Variants in MAP3K7 observed in about 807,000 individuals in gnomAD.
The protein encoded by MAP3K7 is TGF-beta activated kinase 1.
In MAP3K7, 21 loss-of-function variants were observed where a neutral mutation model predicts 84.8. That is an observed-to-expected ratio of 0.25 (90% CI 0.18 to 0.36). The LOEUF (loss-of-function observed/expected upper bound fraction) is 0.36, where lower values mean the gene tolerates loss of function less well. Among genes scored for constraint, MAP3K7 ranks in the 10% least tolerant of loss-of-function variants. The pLI, the probability that MAP3K7 is intolerant of heterozygous loss-of-function variation, is 1.00. For missense variants in MAP3K7, 503 were observed against 747.7 expected (o/e 0.67, Z 3.82); for synonymous variants, 241 against 247.7 (o/e 0.97, Z 0.25).
chr6:90,544,499 G>A (rs1186474828), intron 12 of MAP3K7, 53 bp downstream of exon 12: 1 of 1,475,794 alleles, frequency 6.8e-7, no homozygotes, highest in Non-Finnish European at 9.5e-7. Context: ...AAGTACCAGG[G>A]ATCATTATTC....
chr6:90,579,798 G>A (rs1030076014), intron 1 of MAP3K7, among the ~76,000 whole-genome samples: 1 of 152,046 alleles, frequency 6.6e-6, no homozygotes, highest in African/African-American at 2.4e-5. Flanking sequence ...TAAAAATACC[G>A]ACTTCATACA....
chr6:90,514,330 T>C lies in MAP3K7; in HGVS notation c.*2171A>G, dbSNP rs1374388454. 2.0e-5 allele frequency: 3 copies of C among 151,924 alleles called. No homozygotes were observed. The highest frequency in any genetic ancestry group is 7.2e-5 in the African/African-American group (3 of 41,382). The allele number at this position is 151,924 out of a possible 1,614,324, so 9.4% of individuals were successfully genotyped here. On this transcript the variant is annotated 3_prime_UTR_variant, in exon 17 of 17. Coordinates refer to ENST00000369329, the MANE Select transcript of MAP3K7 (RefSeq NM_145331.3). ...ATCATCAGGACTTAAAAGCATGAAA[T>C]TGACAACACAACTACTTAAAAACAG...
At position 90,528,321 on chromosome 6, in the gene MAP3K7, A is replaced by T. The variant is rs373207703; in HGVS notation, c.1357-4538T>A. ...AATCTTATATCTAGCTTCAACATAT[A>T]TACAAACACTCAAATTCAAGACTGC... On this transcript the variant is annotated intron_variant, in intron 13 of 16. Coordinates refer to ENST00000369329, the MANE Select transcript of MAP3K7 (RefSeq NM_145331.3). Among the ~76,000 whole-genome samples the T allele has an allele frequency of 7.2e-5, 11 of 152,340 alleles. 1 individual carries two copies. The South Asian group carries it at 2.3e-3, about 32-fold the overall frequency.
At chr6:90,553,620 A>C (rs1776248736) in intron 6 of MAP3K7, 34 bp from the exon 7 acceptor site, 13 of 1,568,596 alleles carry the variant, frequency 8.3e-6, no homozygotes, top group Non-Finnish European at 1.1e-5. Context: ...TAACCTAAAG[A>C]CTATTTTTCC....
chr6:90,528,910 T>C (rs891014142), intron 13 of MAP3K7, among the ~76,000 whole-genome samples: 12 of 152,224 alleles, frequency 7.9e-5, no homozygotes, highest in African/African-American at 2.9e-4. Flanking sequence ...TTCTACACCA[T>C]AACCAATTTT....
chr6:90,528,509 T>C (rs1365874781), intron 13 of MAP3K7, among the ~76,000 whole-genome samples: 3 of 152,230 alleles, frequency 2.0e-5, no homozygotes, highest in South Asian at 2.1e-4. Flanking sequence ...TTCCATATAG[T>C]GCTAAAATTA....
At chr6:90,530,914 T>C (rs1775487632) in intron 13 of MAP3K7, among the ~76,000 whole-genome samples, 1 of 152,212 alleles carries the variant, frequency 6.6e-6, no homozygotes, top group Admixed American at 6.5e-5. Context: ...GGGTCACAAA[T>C]GCTCTCAAAC....
Position 90,546,350 on chromosome 6 carries a change from T to C in MAP3K7, c.1210+908A>G, listed in dbSNP as rs547802842. On this transcript the variant is annotated intron_variant, in intron 11 of 16. Coordinates refer to ENST00000369329, the MANE Select transcript of MAP3K7 (RefSeq NM_145331.3). ...AATTGGTTAGCTAAGTTAAAAAAGATGCAAATACACATGAATATATACATT... is the reference window on the plus strand; with the variant it reads ...AATTGGTTAGCTAAGTTAAAAAAGACGCAAATACACATGAATATATACATT... Among the ~76,000 whole-genome samples the C allele has an allele frequency of 3.9e-5, 6 of 152,254 alleles. No individual in the cohort carries two copies. The East Asian group carries it at 1.2e-3, about 29-fold the overall frequency.
chr6:90,573,279 T>C lies in MAP3K7; in HGVS notation c.121-1472A>G, dbSNP rs551067138. On this transcript the variant is annotated intron_variant, in intron 1 of 16. Coordinates refer to ENST00000369329, the MANE Select transcript of MAP3K7 (RefSeq NM_145331.3). ...GGAAGTAGAAGTTAGTATCTTCCCT[T>C]GGAGGAACTTTTACTTTAGACTTAC... is the stretch of plus-strand genomic sequence containing the variant. Among the ~76,000 whole-genome samples the C allele has an allele frequency of 2.0e-5, 3 of 152,296 alleles. No individual in the cohort carries two copies. In the East Asian group the frequency reaches 5.8e-4, roughly 29 times the overall value.
In MAP3K7 at chr6:90,578,463, C is replaced by T. The variant is rs188471099; in HGVS notation, c.121-6656G>A. On this transcript the variant is annotated intron_variant, in intron 1 of 16. Transcript: ENST00000369329. ...CTAATTTTTGTATTTTTAGTAGAGT[C>T]GGGGTTTTGCCATCTTGTCCAGGCT... 1.1e-3 allele frequency among the ~76,000 whole-genome samples: 170 copies of T among 152,076 alleles called. 3 individuals are homozygous for T. Among genetic ancestry groups the T allele is most frequent in the Admixed American group, 7.6e-3 (116 of 15,266 alleles).
intron 5 of MAP3K7, among the ~76,000 whole-genome samples, chr6:90,557,801 T>C (rs2127977378): frequency 6.6e-6 from 1 of 152,362 alleles, no homozygotes. Context: ...CACTGAAATC[T>C]GAACTTAAAT....
chr6:90,539,156 G>A (rs1301180043), intron 12 of MAP3K7, among the ~76,000 whole-genome samples: 2 of 151,792 alleles, frequency 1.3e-5, no homozygotes, highest in South Asian at 2.1e-4. Context: ...CCAAAGTTTC[G>A]TATTTCTTTA....
At chr6:90,527,686 C>T (rs901833696) in intron 13 of MAP3K7, among the ~76,000 whole-genome samples, 9 of 152,144 alleles carry the variant, frequency 5.9e-5, no homozygotes, top group Admixed American at 5.9e-4. Flanking sequence ...GCGAGGAACA[C>T]ACAGGGACCA....
chr6:90,538,188 C>T (rs1398007749), intron 12 of MAP3K7, among the ~76,000 whole-genome samples: 1 of 151,882 alleles, frequency 6.6e-6, no homozygotes, highest in African/African-American at 2.4e-5. Flanking sequence ...GCAGATAGTT[C>T]AGACAAAGCA....
chr6:90,530,252 A>G (rs910861253), intron 13 of MAP3K7, among the ~76,000 whole-genome samples: 12 of 152,244 alleles, frequency 7.9e-5, no homozygotes, highest in African/African-American at 2.7e-4. Flanking sequence ...GTGACATGTA[A>G]GAATCAGTAT....
chr6:90,562,468 A>T (rs746717716), intron 3 of MAP3K7, among the ~76,000 whole-genome samples: 4 of 152,114 alleles, frequency 2.6e-5, no homozygotes, highest in Non-Finnish European at 4.4e-5. Context: ...ACGGTGCCTC[A>T]CTCACTGCTA....
Position 90,586,798 on chromosome 6 carries a change from T to G in MAP3K7, c.86A>C (p.Glu29Ala). 1 of 1,609,672 alleles carries G rather than the reference T, an allele frequency of 6.2e-7. No homozygotes were observed. The highest frequency in any genetic ancestry group is 8.5e-7 in the Non-Finnish European group (1 of 1,178,130). ...IEAPSQVLNFEEIDYKEIEVE... is the reference protein window; with the variant it reads ...IEAPSQVLNFAEIDYKEIEVE... Reference sequence around the variant, plus strand: ...CTCGATCTCCTTGTAGTCGATCTCTTCAAAGTTGAGGACCTGGGAAGGGGC... The same window carrying G: ...CTCGATCTCCTTGTAGTCGATCTCTGCAAAGTTGAGGACCTGGGAAGGGGC... Residue 29 changes from glutamate (E) to alanine (A), a missense_variant, in exon 1 of 17, where the codon GAA (glutamate) becomes GCA (alanine). Glu to Ala is a moderately radical substitution (Grantham distance 107, BLOSUM62 -1). Around this residue, in one of 5 missense-constraint regions of MAP3K7, gnomAD observed 41 missense variants for 41.4 expected, o/e 0.99. Transcript: ENST00000369329.
chr6:90,587,015 G>T lies in MAP3K7; in HGVS notation c.-132C>A, dbSNP rs368108126. 7.3e-5 allele frequency: 82 copies of T among 1,125,066 alleles called. No individual in the cohort carries two copies. In the East Asian group the frequency reaches 1.5e-3, roughly 21 times the overall value. 69.7% of individuals were successfully genotyped at this position (1,125,066 alleles called of 1,614,324 possible). Reference sequence around the variant, plus strand: ...GTCCTACTACCCGGCGATCCGTGGCGGGGGTAGAGGCAGCGGCCACAGCCG... The same window carrying T: ...GTCCTACTACCCGGCGATCCGTGGCTGGGGTAGAGGCAGCGGCCACAGCCG... On this transcript the variant is annotated 5_prime_UTR_variant, in exon 1 of 17. Transcript: ENST00000369329.
At chr6:90,537,281 C>T (rs1182919484) in intron 12 of MAP3K7, 2 of 151,980 alleles carry the variant, frequency 1.3e-5, no homozygotes, top group Non-Finnish European at 2.9e-5. Flanking sequence ...ACTCTGAAAT[C>T]TGTATTACGT....
Sources: gnomAD v4.1 joint callset for allele counts (sites outside exome capture counted in the v4.1 genomes callset) on GRCh38, gnomAD v4.1.1 for gene constraint, gnomAD v4.1.1 regional missense constraint, MANE v1.5 for transcripts, NCBI Gene and HGNC (gene_info 2026-07-23, HGNC 2026-07-21) for gene names.